TMEM178B: variants seen among roughly 807,000 people sequenced by gnomAD.
TMEM178B encodes transmembrane protein 178B.
Under a neutral mutation model 31.0 loss-of-function variants are expected in TMEM178B, and 5 were observed. That is an observed-to-expected ratio of 0.16 (90% CI 0.08 to 0.34). The LOEUF (loss-of-function observed/expected upper bound fraction) is 0.34, where lower values mean the gene tolerates loss of function less well. TMEM178B is among the 10% of genes least tolerant of loss of function. The probability of loss-of-function intolerance (pLI) is 1.00; values close to 1 mark genes in which losing one functional copy is unlikely to be tolerated. For missense variants in TMEM178B, 275 were observed against 400.3 expected, an observed-to-expected ratio of 0.69 and a Z score of 2.67; for synonymous variants, 164 against 164.0, an observed-to-expected ratio of 1.00 and a Z score of 0.00.
chr7:141,413,993 T>C (rs910141191), intron 2 of TMEM178B, among the ~76,000 whole-genome samples: 2 of 152,192 alleles, frequency 1.3e-5, no homozygotes, highest in African/African-American at 4.8e-5. Flanking sequence ...ATAATCATTA[T>C]AATTACGTAT....
intron 1 of TMEM178B, among the ~76,000 whole-genome samples, chr7:141,146,643 T>C (rs1795857441): frequency 6.6e-6 from 1 of 152,216 alleles, no homozygotes; most frequent in Non-Finnish European, 1.5e-5. Context: ...ATTACTATTA[T>C]TATCAGTACT....
At chr7:141,278,638 G>A (rs923091677) in intron 2 of TMEM178B, among the ~76,000 whole-genome samples, 15 of 152,052 alleles carry the variant, frequency 9.9e-5, no homozygotes, top group Non-Finnish European at 1.2e-4. Context: ...CTCTTGAGGG[G>A]TATGGTCAGG....
intron 2 of TMEM178B, among the ~76,000 whole-genome samples, chr7:141,226,788 G>A (rs183258531): frequency 3.7e-4 from 56 of 150,340 alleles, no homozygotes; most frequent in Non-Finnish European, 5.2e-4. Context: ...AACCCAGGAG[G>A]TGGAGGTTGC....
chr7:141,112,935 T>C (rs1795258301), intron 1 of TMEM178B, among the ~76,000 whole-genome samples: 1 of 152,186 alleles, frequency 6.6e-6, no homozygotes, highest in South Asian at 2.1e-4. Context: ...TAAAAGGAAG[T>C]AAAATATACT....
intron 2 of TMEM178B, among the ~76,000 whole-genome samples, chr7:141,241,727 G>A (rs1289069549): frequency 6.6e-6 from 1 of 152,110 alleles, no homozygotes; most frequent in African/African-American, 2.4e-5. Flanking sequence ...CTTCAGAATA[G>A]GCCTGGCTAG....
At chr7:141,192,436 T>C (rs1796711572) in intron 1 of TMEM178B, among the ~76,000 whole-genome samples, 1 of 150,708 alleles carries the variant, frequency 6.6e-6, no homozygotes, top group South Asian at 2.1e-4. Context: ...AACTGGGAGC[T>C]GCTACAACTT....
At chr7:141,439,162 G>A (rs1334354268) in intron 3 of TMEM178B, among the ~76,000 whole-genome samples, 1 of 152,124 alleles carries the variant, frequency 6.6e-6, no homozygotes, top group East Asian at 1.9e-4. Flanking sequence ...TTTGGCTTGA[G>A]TTCTGAATTT....
chr7:141,200,100 T>C (rs952223976), intron 1 of TMEM178B, among the ~76,000 whole-genome samples: 2 of 152,116 alleles, frequency 1.3e-5, no homozygotes, highest in African/African-American at 4.8e-5. Flanking sequence ...AGGCTGGTCT[T>C]GAACCCCTGG....
At chr7:141,487,610 G>T in the TMEM178B span, among the ~76,000 whole-genome samples, 1 of 151,602 alleles carries the variant, frequency 6.6e-6, no homozygotes, top group Non-Finnish European at 1.5e-5. Flanking sequence ...GTGTGGGGGC[G>T]CATGTCTGCA....
chr7:141,124,411 C>A (rs947192225), intron 1 of TMEM178B, among the ~76,000 whole-genome samples: 8 of 152,058 alleles, frequency 5.3e-5, no homozygotes, highest in Non-Finnish European at 1.2e-4. Flanking sequence ...TGAACTTCTG[C>A]CTCAATGGAC....
intron 1 of TMEM178B, among the ~76,000 whole-genome samples, chr7:141,159,321 A>G (rs1176651948): frequency 3.3e-5 from 5 of 152,294 alleles, no homozygotes; most frequent in Admixed American, 3.3e-4. Context: ...CACCTGCTCA[A>G]AACTGTCAAA....
rs1265245728 is a variant in TMEM178B, at chr7:141,150,085, G to A, written c.383-62506G>A. On this transcript the variant is annotated intron_variant, in intron 1 of 3. Transcript: ENST00000565468. Reference sequence around the variant, plus strand: ...GCTGAGGAGTCTCTTTAGCGGGGTTGGAAAGACTATGGATGGAGCAGATTT... The same window carrying A: ...GCTGAGGAGTCTCTTTAGCGGGGTTAGAAAGACTATGGATGGAGCAGATTT... Among the ~76,000 whole-genome samples, 5 of 152,092 alleles carry A rather than the reference G, an allele frequency of 3.3e-5. No individual in the cohort carries two copies. The East Asian group carries it at 9.7e-4, about 29-fold the overall frequency.
chr7:141,500,712 C>T, the TMEM178B span, among the ~76,000 whole-genome samples: 1 of 152,122 alleles, frequency 6.6e-6, no homozygotes, highest in Non-Finnish European at 1.5e-5. Flanking sequence ...TTTAGTATTG[C>T]CTGACAGTTT....
intron 2 of TMEM178B, among the ~76,000 whole-genome samples, chr7:141,403,896 C>T (rs1201743205): frequency 6.6e-6 from 1 of 152,228 alleles, no homozygotes; most frequent in Non-Finnish European, 1.5e-5. Context: ...AAGGGTGCTC[C>T]TTTGCAGTCC....
chr7:141,321,897 C>A (rs547938176), intron 2 of TMEM178B, among the ~76,000 whole-genome samples: 44 of 151,984 alleles, frequency 2.9e-4, no homozygotes, highest in African/African-American at 1.0e-3. Context: ...ACCCAGGAGG[C>A]TTGTATTCAA....
chr7:141,149,365 G>A (rs1013442616), intron 1 of TMEM178B, among the ~76,000 whole-genome samples: 20 of 152,112 alleles, frequency 1.3e-4, no homozygotes, highest in African/African-American at 4.8e-4. Flanking sequence ...AAGCTCATGG[G>A]AAAACCCCAT....
intron 2 of TMEM178B, among the ~76,000 whole-genome samples, chr7:141,346,784 T>C (rs1407742224): frequency 1.3e-5 from 2 of 152,190 alleles, no homozygotes; most frequent in Admixed American, 1.3e-4. Context: ...GGATTACATG[T>C]TTTACAATTA....
chr7:141,217,305 T>C (rs559388962), intron 2 of TMEM178B, among the ~76,000 whole-genome samples: 7 of 152,272 alleles, frequency 4.6e-5, no homozygotes, highest in Admixed American at 3.3e-4. Flanking sequence ...CCTTTCCCAG[T>C]GTGGCACAAC....
At chr7:141,428,551 A>C (rs999354788) in intron 2 of TMEM178B, among the ~76,000 whole-genome samples, 4 of 152,106 alleles carry the variant, frequency 2.6e-5, no homozygotes. Context: ...AGACCAGGTA[A>C]GGGAAAAATG....
Sources: gnomAD v4.1 joint callset for allele counts (sites outside exome capture counted in the v4.1 genomes callset) on GRCh38, gnomAD v4.1.1 for gene constraint, MANE v1.5 for transcripts, NCBI Gene and HGNC (gene_info 2026-07-23, HGNC 2026-07-21) for gene names.